AGT: variants seen among roughly 807,000 people sequenced by gnomAD.
AGT encodes the protein alpha-1 antiproteinase, antitrypsin.
A neutral mutation model predicts 28.1 loss-of-function variants in AGT; 26 were observed. The ratio of observed to expected loss-of-function variants is 0.92; its 90% confidence interval spans 0.68 to 1.28. The LOEUF is 1.28. Ranked by LOEUF, AGT falls within the 50% of genes most tolerant of loss-of-function variation. The pLI is 0.00. For missense variants in AGT, 596 were observed against 592.3 expected (o/e 1.01, Z -0.06); for synonymous variants, 259 against 259.6 (o/e 1.00, Z 0.02).
At chr1:230,709,611 G>A (rs1663512311) in intron 2 of AGT, among the ~76,000 whole-genome samples, 1 of 152,116 alleles carries the variant, frequency 6.6e-6, no homozygotes, top group African/African-American at 2.4e-5. Flanking sequence ...GAACTGGGCT[G>A]TGGGGCCAGG....
intron 1 of AGT, among the ~76,000 whole-genome samples, chr1:230,744,196 A>C (rs1664300278): frequency 6.6e-6 from 1 of 152,214 alleles, no homozygotes; most frequent in Non-Finnish European, 1.5e-5. Context: ...AAGGCCTGGT[A>C]GACCTTAGAT....
At chr1:230,720,471 A>G (rs533535115) in intron 1 of AGT, among the ~76,000 whole-genome samples, 3 of 151,874 alleles carry the variant, frequency 2.0e-5, no homozygotes, top group Non-Finnish European at 2.9e-5. Context: ...TTTCCTACTA[A>G]GGGCAGGAGG....
chr1:230,724,223 C>T (rs887911489), intron 1 of AGT, among the ~76,000 whole-genome samples: 6 of 152,274 alleles, frequency 3.9e-5, no homozygotes, highest in Non-Finnish European at 7.3e-5. Flanking sequence ...TATTACATGG[C>T]CCTTTATAGA....
chr1:230,710,109 C>A lies in AGT; in HGVS notation c.715G>T (p.Ala239Ser), dbSNP rs1663529787. ...SLDFTELDVA[A>S]EKIDRFMQAV... is the part of the protein sequence containing the mutation. ...TGCATGAACCTGTCAATCTTCTCAG[C>A]AGCAACATCCAGTTCTGTGAAGTCC... Residue 239 changes from alanine (A) to serine (S), a missense_variant, in exon 2 of 5, where the codon GCT (alanine) becomes TCT (serine). Ala to Ser is a moderately conservative substitution (Grantham distance 99, BLOSUM62 1). Transcript: ENST00000366667. 6 of 1,614,200 alleles carry A rather than the reference C, an allele frequency of 3.7e-6. No homozygotes were observed. The highest frequency in any genetic ancestry group is 5.1e-6 in the Non-Finnish European group (6 of 1,180,044).
intron 1 of AGT, among the ~76,000 whole-genome samples, chr1:230,737,024 C>T (rs1465786018): frequency 1.3e-5 from 2 of 152,140 alleles, no homozygotes; most frequent in Non-Finnish European, 1.5e-5. Flanking sequence ...GAGGTTTGAA[C>T]GCTGAAGACA....
intron 1 of AGT, among the ~76,000 whole-genome samples, chr1:230,726,780 C>A (rs376716225): frequency 6.6e-6 from 1 of 152,004 alleles, no homozygotes; most frequent in South Asian, 2.1e-4. Context: ...CACTTAAGTG[C>A]CATTCATCTC....
At chr1:230,742,205 T>C (rs1031632375) in intron 1 of AGT, among the ~76,000 whole-genome samples, 6 of 152,212 alleles carry the variant, frequency 3.9e-5, no homozygotes, top group Admixed American at 3.3e-4. Flanking sequence ...TATGAGTAGA[T>C]CTTTGTGTAG....
At chr1:230,738,690 T>C (rs1188113876) in intron 1 of AGT, among the ~76,000 whole-genome samples, 1 of 151,972 alleles carries the variant, frequency 6.6e-6, no homozygotes, top group East Asian at 1.9e-4. Flanking sequence ...AATCAGAAAA[T>C]GGTGCATTAA....
intron 1 of AGT, among the ~76,000 whole-genome samples, chr1:230,742,155 C>T (rs1205737370): frequency 6.6e-6 from 1 of 152,054 alleles, no homozygotes; most frequent in Non-Finnish European, 1.5e-5. Flanking sequence ...TTCCTCTACC[C>T]CCATCTACTC....
At chr1:230,745,546 C>T (rs918519992) in exon 1 of AGT, among the ~76,000 whole-genome samples, 1 of 152,184 alleles carries the variant, frequency 6.6e-6, no homozygotes, top group South Asian at 2.1e-4. Context: ...AAGATCAAGG[C>T]ACTGGCAGAT....
rs151194891 is a variant in AGT at position 230,706,078 on chromosome 1, C to G, written c.952G>C (p.Asp318His). ...GGCACTTGAGTCACCGAGAAGTTGT[C>G]CTGGATGTCACTCCAGTGCTGGAAG... ...GTFQHWSDIQ[D>H]NFSVTQVPFT... is the part of the protein sequence containing the mutation. The change falls in exon 3 of 5, where the codon GAC becomes CAC. Residue 318 changes from aspartate (D) to histidine (H), a missense_variant. Physicochemically the swap from Asp to His is moderately conservative, Grantham distance 81. Coordinates refer to ENST00000366667, the MANE Select transcript of AGT (RefSeq NM_001384479.1). 105 of 1,614,038 alleles carry G rather than the reference C, an allele frequency of 6.5e-5. No homozygotes were observed. Among genetic ancestry groups the G allele is most frequent in the Non-Finnish European group, 8.4e-5 (99 of 1,180,026 alleles).
chr1:230,740,076 G>A (rs117399002), intron 1 of AGT, among the ~76,000 whole-genome samples: 2 of 152,296 alleles, frequency 1.3e-5, no homozygotes, highest in East Asian at 3.9e-4. Context: ...CAGGAAAGGG[G>A]CAGAGGCTTC....
intron 3 of AGT, among the ~76,000 whole-genome samples, chr1:230,705,026 A>T (rs1025060137): frequency 6.6e-6 from 1 of 152,226 alleles, no homozygotes; most frequent in African/African-American, 2.4e-5. Flanking sequence ...AAAAGGAAGG[A>T]CATTCTGACA....
intron 1 of AGT, among the ~76,000 whole-genome samples, chr1:230,728,358 T>G (rs1320526452): frequency 2.0e-5 from 3 of 152,176 alleles, no homozygotes; most frequent in African/African-American, 7.2e-5. Context: ...TGGCCTTTCA[T>G]TAGTTTTACA....
chr1:230,734,811 G>A (rs2102804820), intron 1 of AGT, among the ~76,000 whole-genome samples: 1 of 152,154 alleles, frequency 6.6e-6, no homozygotes, highest in South Asian at 2.1e-4. Context: ...CCGGGTTCAT[G>A]CCACTCTCCT....
Position 230,710,894 on chromosome 1 carries a change from CT to C in AGT, c.-30-42del, listed in dbSNP as rs752282237. ...GCAAAGGGTGAAAGGTGGTTATTAA[CT>C]GACCTTTAAGTGCCATCTAACCAGA... On this transcript the variant is annotated intron_variant, in intron 1 of 4. Coordinates refer to ENST00000366667, the MANE Select transcript of AGT (RefSeq NM_001384479.1). The C allele has an allele frequency of 6.2e-5, 100 of 1,601,434 alleles. 2 individuals carry two copies. In the South Asian group the frequency reaches 1.1e-3, roughly 17 times the overall value.
In AGT at chr1:230,710,158, G is replaced by C. The variant is rs778634473; in HGVS notation, c.666C>G (p.Thr222=). 2 of 1,614,074 alleles carry C rather than the reference G, an allele frequency of 1.2e-6. No homozygotes were observed. Among genetic ancestry groups the C allele is most frequent in the South Asian group, 1.1e-5 (1 of 91,078 alleles). ...QPFVQGLALY[T]PVVLPRSLDF... is the part of the protein sequence containing the mutation. The stretch of plus-strand genomic sequence containing the variant: ...CCAGAGAGCGTGGGAGGACCACAGG[G>C]GTATAGAGAGCCAGGCCCTGCACAA... The change falls in exon 2 of 5, where the codon ACC becomes ACG. Residue 222 remains threonine, a synonymous_variant. Coordinates refer to ENST00000366667, the MANE Select transcript of AGT (RefSeq NM_001384479.1).
intron 1 of AGT, among the ~76,000 whole-genome samples, chr1:230,736,679 C>CT (rs548685592): frequency 4.1e-4 from 62 of 152,288 alleles, no homozygotes; most frequent in African/African-American, 1.4e-3. Context: ...CCTCAGCTTT[C>CT]TTTTCCCCCT....
At chr1:230,718,576 A>G (rs1214613861), upstream of AGT, among the ~76,000 whole-genome samples, 1 of 144,810 alleles carries the variant, frequency 6.9e-6, no homozygotes, top group African/African-American at 2.7e-5. Flanking sequence ...TGTATTCTCT[A>G]TCTCTGTATA....
Sources: allele counts gnomAD v4.1 joint callset (sites outside exome capture counted in the v4.1 genomes callset), GRCh38; gene constraint gnomAD v4.1.1; transcripts MANE v1.5; gene names NCBI Gene and HGNC (gene_info 2026-07-23, HGNC 2026-07-21).